The following EPHB2 variants were observed in gnomAD, a reference collection of about 807,000 sequenced individuals.
The protein encoded by EPHB2 is ephrin type-B receptor 2.
EPHB2 carries 18 observed loss-of-function variants against 96.4 expected under a neutral mutation model. That is an observed-to-expected ratio of 0.19 (90% CI 0.13 to 0.28). The LOEUF (loss-of-function observed/expected upper bound fraction) is 0.28, where lower values mean the gene tolerates loss of function less well. EPHB2 is among the 10% of genes least tolerant of loss of function. The pLI, the probability that EPHB2 is intolerant of heterozygous loss-of-function variation, is 1.00. For missense variants in EPHB2, 989 were observed against 1,355.4 expected, an observed-to-expected ratio of 0.73 and a Z score of 4.25; for synonymous variants, 506 against 534.1, an observed-to-expected ratio of 0.95 and a Z score of 0.72.
intron 3 of EPHB2, among the ~76,000 whole-genome samples, chr1:22,821,122 C>T (rs899277801): frequency 6.6e-6 from 1 of 152,202 alleles, no homozygotes; most frequent in Non-Finnish European, 1.5e-5. Flanking sequence ...CTCCAACCAT[C>T]GCATCCACAT....
At chr1:22,868,198 C>T (rs1182345100) in intron 5 of EPHB2, among the ~76,000 whole-genome samples, 2 of 152,044 alleles carry the variant, frequency 1.3e-5, no homozygotes, top group Admixed American at 1.3e-4. Flanking sequence ...CTGGATGTAC[C>T]CAGGAGTAGA....
At chr1:22,882,214 C>G in intron 5 of EPHB2, 145 bp from the exon 6 acceptor site, 1 of 1,434,720 alleles carries the variant, frequency 7.0e-7, no homozygotes, top group Admixed American at 1.8e-5. Context: ...CTGTCGGCTC[C>G]CCGAGACTGG....
intron 1 of EPHB2, among the ~76,000 whole-genome samples, chr1:22,742,885 A>G (rs1221751898): frequency 6.6e-6 from 1 of 151,012 alleles, no homozygotes; most frequent in African/African-American, 2.4e-5. Flanking sequence ...ACATTCATTT[A>G]TTATGAACTT....
intron 3 of EPHB2, among the ~76,000 whole-genome samples, chr1:22,820,560 G>A (rs1006142805): frequency 6.6e-6 from 1 of 152,116 alleles, no homozygotes; most frequent in Non-Finnish European, 1.5e-5. Flanking sequence ...CTACTCAGGA[G>A]GCTGAGGTGG....
intron 1 of EPHB2, among the ~76,000 whole-genome samples, chr1:22,741,689 CA>C (rs1553160119): frequency 1.6e-5 from 2 of 126,562 alleles, no homozygotes; most frequent in African/African-American, 6.2e-5. Flanking sequence ...CAAAAAAAAA[CA>C]AAAAAACAAA....
At chr1:22,749,696 A>G (rs969333520) in intron 1 of EPHB2, among the ~76,000 whole-genome samples, 1 of 152,180 alleles carries the variant, frequency 6.6e-6, no homozygotes, top group African/African-American at 2.4e-5. Context: ...CCCCGTCCAC[A>G]GGGTGGCTTA....
intron 5 of EPHB2, among the ~76,000 whole-genome samples, chr1:22,866,857 C>T (rs1638495901): frequency 6.6e-6 from 1 of 152,112 alleles, no homozygotes; most frequent in African/African-American, 2.4e-5. Context: ...TCGCTTGAAC[C>T]CGGGAGGTGA....
At chr1:22,838,826 G>C in intron 3 of EPHB2, among the ~76,000 whole-genome samples, 1 of 152,128 alleles carries the variant, frequency 6.6e-6, no homozygotes, top group African/African-American at 2.4e-5. Flanking sequence ...AGCTACTTGG[G>C]AGGCTGAGGC....
intron 1 of EPHB2, chr1:22,774,621 G>A (rs539429389): frequency 4.1e-6 from 4 of 985,180 alleles, no homozygotes; most frequent in Non-Finnish European, 3.6e-6. Context: ...CGAGAGACAC[G>A]GAAGACGGTG....
At chr1:22,907,893 A>C in intron 11 of EPHB2, 60 bp from the exon 12 acceptor site, 1 of 1,587,282 alleles carries the variant, frequency 6.3e-7, no homozygotes, top group Non-Finnish European at 8.7e-7. Flanking sequence ...TATGAGGATG[A>C]TGCAGAGCTC....
chr1:22,891,368 T>A (rs1570445360), intron 6 of EPHB2: 1 of 347,072 alleles, frequency 2.9e-6, no homozygotes, highest in East Asian at 7.4e-5. Flanking sequence ...TTTTTCTGGA[T>A]AAGCATTCAC....
rs1570197761 is a variant in EPHB2, at chr1:22,746,357, G to C, written c.62-35064G>C. 2.6e-5 allele frequency among the ~76,000 whole-genome samples: 4 copies of C among 152,354 alleles called. No homozygotes were observed. The Middle Eastern group carries it at 0.014, about 518-fold the overall frequency. On this transcript the variant is annotated intron_variant, in intron 1 of 15. Coordinates refer to ENST00000374630, the MANE Select transcript of EPHB2 (RefSeq NM_017449.5). ...GAGTTGACCTGGCTAAAAGGGAAGG[G>C]AGGGTGCACCAAGCTGGGGAACATC...
chr1:22,721,056 A>G (rs147029444), intron 1 of EPHB2, among the ~76,000 whole-genome samples: 32 of 152,292 alleles, frequency 2.1e-4, no homozygotes, highest in African/African-American at 6.3e-4. Flanking sequence ...TCTTCATTCT[A>G]CTATGAAAGA....
intron 3 of EPHB2, chr1:22,836,724 C>T (rs1645391130): frequency 6.5e-6 from 1 of 152,812 alleles, no homozygotes; most frequent in South Asian, 2.1e-4. Context: ...TGACCCCTGG[C>T]CTTTTGTAGC....
In EPHB2 at chr1:22,750,354, C is replaced by T. The variant is rs1644043049; in HGVS notation, c.62-31067C>T. On this transcript the variant is annotated intron_variant, in intron 1 of 15. Transcript: ENST00000374630. ...GATGGGTGCTGAGGCCCGGACCCTT[C>T]TGTGGCATCAGAGCTTTGCTCTCTT... 2.0e-5 allele frequency among the ~76,000 whole-genome samples: 3 copies of T among 152,196 alleles called. No homozygotes were observed. The South Asian group carries it at 6.2e-4, about 32-fold the overall frequency.
At chr1:22,754,060 C>T (rs961329028) in intron 1 of EPHB2, among the ~76,000 whole-genome samples, 5 of 152,190 alleles carry the variant, frequency 3.3e-5, no homozygotes, top group Non-Finnish European at 1.5e-5. Context: ...GCTGTAAGGA[C>T]CCCAAATCCT....
At chr1:22,715,669 C>G (rs1261605013) in intron 1 of EPHB2, among the ~76,000 whole-genome samples, 1 of 152,212 alleles carries the variant, frequency 6.6e-6, no homozygotes, top group Non-Finnish European at 1.5e-5. Flanking sequence ...ATTCATTTCT[C>G]CATCCATCCA....
At chr1:22,721,462 G>A (rs1643464197) in intron 1 of EPHB2, among the ~76,000 whole-genome samples, 1 of 152,168 alleles carries the variant, frequency 6.6e-6, no homozygotes, top group African/African-American at 2.4e-5. Context: ...TTGTGAATGA[G>A]TGAGGTGACT....
intron 3 of EPHB2, among the ~76,000 whole-genome samples, chr1:22,806,837 C>T (rs1644933965): frequency 6.6e-6 from 1 of 152,262 alleles, no homozygotes; most frequent in Non-Finnish European, 1.5e-5. Context: ...CTCTGCACAG[C>T]TCAGCTCCCC....
Sources: allele counts gnomAD v4.1 joint callset (sites outside exome capture counted in the v4.1 genomes callset), GRCh38; gene constraint gnomAD v4.1.1; transcripts MANE v1.5; gene names NCBI Gene and HGNC (gene_info 2026-07-23, HGNC 2026-07-21).